CNTNAP4: variants seen among roughly 807,000 people sequenced by gnomAD.
CNTNAP4 encodes contactin-associated protein-like 4.
Under a neutral mutation model 148.4 loss-of-function variants are expected in CNTNAP4, and 98 were observed. The observed-to-expected ratio is 0.66, with a 90% CI of 0.56 to 0.78. The LOEUF is 0.78. CNTNAP4 is among the 30% of genes least tolerant of loss of function. The pLI, the probability that CNTNAP4 is intolerant of heterozygous loss-of-function variation, is 0.00. For missense variants in CNTNAP4, 1,935 were observed against 1,565.6 expected, an observed-to-expected ratio of 1.24 and a Z score of -3.98; for synonymous variants, 730 against 565.1, an observed-to-expected ratio of 1.29 and a Z score of -4.14.
intron 1 of CNTNAP4, 124 bp from the exon 2 acceptor site, chr16:76,316,289 A>G (rs748285217): frequency 1.6e-5 from 12 of 729,414 alleles, no homozygotes; most frequent in Non-Finnish European, 2.5e-5. Flanking sequence ...TAGTAGGCAT[A>G]TTTTTAGAGA....
intron 3 of CNTNAP4, among the ~76,000 whole-genome samples, chr16:76,413,142 T>C (rs186372554): frequency 7.9e-4 from 120 of 151,424 alleles, no homozygotes; most frequent in African/African-American, 2.4e-3. Flanking sequence ...TACTTTAAAA[T>C]GTACAGTTAT....
chr16:76,501,245 G>A (rs2082629597), intron 15 of CNTNAP4, among the ~76,000 whole-genome samples: 1 of 152,158 alleles, frequency 6.6e-6, no homozygotes, highest in Admixed American at 6.5e-5. Context: ...TGTAAACTTC[G>A]GATGCATCCA....
intron 21 of CNTNAP4, among the ~76,000 whole-genome samples, chr16:76,552,195 AACTC>A (rs1568617127): frequency 6.6e-6 from 1 of 152,154 alleles, no homozygotes; most frequent in African/African-American, 2.4e-5. Flanking sequence ...ATCTCATGAG[AACTC>A]ACTCACTATC....
intron 3 of CNTNAP4, among the ~76,000 whole-genome samples, chr16:76,362,489 C>A (rs911459209): frequency 1.3e-5 from 2 of 152,132 alleles, no homozygotes; most frequent in Non-Finnish European, 2.9e-5. Context: ...AAGAACAAAG[C>A]TAGAGACATC....
In CNTNAP4 at chr16:76,460,753, C is replaced by CAAAAAAAAAAAAAAA. The variant is rs1158805627; in HGVS notation, c.1334-1196_1334-1182dup. Among the ~76,000 whole-genome samples the CAAAAAAAAAAAAAAA allele has an allele frequency of 3.2e-4, 5 of 15,518 alleles. 1 individual carries two copies. Among genetic ancestry groups the CAAAAAAAAAAAAAAA allele is most frequent in the Non-Finnish European group, 5.2e-4 (4 of 7,656 alleles). The allele number at this position is 15,518 out of a possible 152,430, so 10.2% of individuals were successfully genotyped here. On this transcript the variant is annotated intron_variant, in intron 8 of 23. Transcript: ENST00000611870. The stretch of plus-strand genomic sequence containing the variant: ...GGGCGACAGAGCCAGACTCATGTCT[C>CAAAAAAAAAAAAAAA]AAAAAAAAAAAAAAAAAAAAATATA...
chr16:76,384,749 T>C (rs1283245964), intron 3 of CNTNAP4, among the ~76,000 whole-genome samples: 1 of 152,218 alleles, frequency 6.6e-6, no homozygotes. Flanking sequence ...GCTTTAAGAA[T>C]TAATTTTACA....
At chr16:76,483,698 A>G (rs977567565) in intron 12 of CNTNAP4, among the ~76,000 whole-genome samples, 1 of 152,192 alleles carries the variant, frequency 6.6e-6, no homozygotes. Context: ...CACTTAATAG[A>G]CTACAAATGA....
At chr16:76,321,430 A>G (rs953459889) in intron 2 of CNTNAP4, among the ~76,000 whole-genome samples, 1 of 151,266 alleles carries the variant, frequency 6.6e-6, no homozygotes, top group Non-Finnish European at 1.5e-5. Flanking sequence ...CCCTAAAGAT[A>G]AAAAAAAAGT....
intron 12 of CNTNAP4, among the ~76,000 whole-genome samples, chr16:76,485,651 T>C (rs1230883707): frequency 1.3e-5 from 2 of 152,142 alleles, no homozygotes; most frequent in Non-Finnish European, 2.9e-5. Flanking sequence ...GAACACAAGG[T>C]CTGGGTCTCT....
At chr16:76,374,754 T>TTATTAG (rs199685410) in intron 3 of CNTNAP4, among the ~76,000 whole-genome samples, 45,781 of 143,626 alleles carry the variant, frequency 0.32, 7,444 homozygotes, top group East Asian at 0.39. Flanking sequence ...ATTATTATTA[T>TTATTAG]TATTATTATT....
intron 15 of CNTNAP4, among the ~76,000 whole-genome samples, chr16:76,501,574 G>A (rs927543342): frequency 1.3e-5 from 2 of 152,164 alleles, no homozygotes; most frequent in Non-Finnish European, 2.9e-5. Flanking sequence ...GACATTGTTG[G>A]TTATCACATT....
In CNTNAP4 at chr16:76,421,969, G is replaced by A. The variant is rs1411426427; in HGVS notation, c.391-5483G>A. On this transcript the variant is annotated intron_variant, in intron 3 of 23. Coordinates refer to ENST00000611870, the MANE Select transcript of CNTNAP4 (RefSeq NM_033401.5). ...GAGCTTCTTACAAATTGCCATATGG[G>A]CATCTCCCTTTATACTTCTTGGCTT... Among the ~76,000 whole-genome samples the A allele has an allele frequency of 2.0e-5, 3 of 152,120 alleles. No individual in the cohort carries two copies. In the South Asian group the frequency reaches 6.2e-4, roughly 31 times the overall value.
chr16:76,491,013 C>T (rs917142762), intron 13 of CNTNAP4, among the ~76,000 whole-genome samples: 3 of 151,988 alleles, frequency 2.0e-5, no homozygotes, highest in Admixed American at 6.5e-5. Flanking sequence ...CATGCAAAAA[C>T]GCTGAACTGT....
At chr16:76,344,935 A>G (rs1290382571) in intron 2 of CNTNAP4, among the ~76,000 whole-genome samples, 1 of 152,144 alleles carries the variant, frequency 6.6e-6, no homozygotes, top group Non-Finnish European at 1.5e-5. Flanking sequence ...AATGTTGGTT[A>G]TTTTGCTAGT....
chr16:76,497,274 C>T (rs534109813), intron 14 of CNTNAP4, among the ~76,000 whole-genome samples: 2 of 152,154 alleles, frequency 1.3e-5, no homozygotes, highest in South Asian at 2.1e-4. Flanking sequence ...AGGGGAGCAG[C>T]GTTAAATGAA....
chr16:76,377,376 A>G (rs1486458282), intron 3 of CNTNAP4, among the ~76,000 whole-genome samples: 1 of 152,234 alleles, frequency 6.6e-6, no homozygotes, highest in Non-Finnish European at 1.5e-5. Context: ...CTAAGGAAGC[A>G]TGGAGTTACT....
At chr16:76,334,531 C>T (rs1017435966) in intron 2 of CNTNAP4, among the ~76,000 whole-genome samples, 1 of 152,282 alleles carries the variant, frequency 6.6e-6, no homozygotes, top group Non-Finnish European at 1.5e-5. Flanking sequence ...AACTCTAATA[C>T]TACAGTTAAA....
rs185299829 is a variant in CNTNAP4 at position 76,512,108 on chromosome 16, T to C, written c.2366-9032T>C. ...AAATGGGGTGTAGATGGTATACTCA[T>C]GGAACAGCCATATGGTCCAAGTGTT... On this transcript the variant is annotated intron_variant, in intron 15 of 23. Transcript: ENST00000611870. Among the ~76,000 whole-genome samples the C allele has an allele frequency of 1.2e-4, 19 of 152,082 alleles. No individual in the cohort carries two copies. The East Asian group carries it at 3.7e-3, about 29-fold the overall frequency.
At chr16:76,488,334 G>A (rs368915727) in intron 12 of CNTNAP4, among the ~76,000 whole-genome samples, 54 of 152,238 alleles carry the variant, frequency 3.5e-4, no homozygotes, top group African/African-American at 1.3e-3. Context: ...CTGTTTGAGA[G>A]CATTCTACTG....
Sources: gnomAD v4.1 joint callset for allele counts (sites outside exome capture counted in the v4.1 genomes callset) on GRCh38, gnomAD v4.1.1 for gene constraint, MANE v1.5 for transcripts, NCBI Gene and HGNC (gene_info 2026-07-23, HGNC 2026-07-21) for gene names.